Variants in PTCHD4 observed in about 807,000 individuals in gnomAD.
The protein encoded by PTCHD4 is patched domain-containing protein 4.
Under a neutral mutation model 58.1 loss-of-function variants are expected in PTCHD4, and 33 were observed. The observed-to-expected ratio is 0.57, with a 90% CI of 0.43 to 0.76. The LOEUF is 0.76. Among genes scored for constraint, PTCHD4 ranks in the 30% least tolerant of loss-of-function variants. The probability of loss-of-function intolerance (pLI) is 0.00; values close to 1 mark genes in which losing one functional copy is unlikely to be tolerated. For synonymous variants in PTCHD4, 478 were observed against 409.6 expected (o/e 1.17, Z -2.02); for missense variants, 1,058 against 1,027.1 (o/e 1.03, Z -0.41).
At chr6:47,991,666 A>G (rs1194972416) in intron 4 of PTCHD4, among the ~76,000 whole-genome samples, 1 of 152,112 alleles carries the variant, frequency 6.6e-6, no homozygotes, top group Non-Finnish European at 1.5e-5. Context: ...CTAGACAGCA[A>G]TATCATGTAA....
intron 1 of PTCHD4, among the ~76,000 whole-genome samples, chr6:48,075,674 T>A (rs1430868756): frequency 6.6e-6 from 1 of 152,198 alleles, no homozygotes; most frequent in Non-Finnish European, 1.5e-5. Flanking sequence ...CCAGTGCATA[T>A]AAAAATTATC....
At chr6:48,058,441 G>A (rs1323216257) in intron 3 of PTCHD4, among the ~76,000 whole-genome samples, 1 of 152,292 alleles carries the variant, frequency 6.6e-6, no homozygotes, top group African/African-American at 2.4e-5. Flanking sequence ...ATAGATGACC[G>A]AGACACTGAG....
intron 4 of PTCHD4, among the ~76,000 whole-genome samples, chr6:47,957,578 T>C (rs1303318069): frequency 1.3e-5 from 2 of 150,604 alleles, no homozygotes; most frequent in African/African-American, 2.4e-5. Context: ...GACAAGTTTT[T>C]TTTTTTATTT....
In PTCHD4 at chr6:47,866,522, T is replaced by C. The variant is rs1483455533; in HGVS notation, c.*11781A>G. On this transcript the variant is annotated 3_prime_UTR_variant, in exon 5 of 5. Coordinates refer to ENST00000339488, the MANE Select transcript of PTCHD4 (RefSeq NM_001384253.1). ...CGTATGGCCACTTGGTTGTTGGATTTATCTCCATTCTACTTCTGTGAACAG... is the reference window on the plus strand; with the variant it reads ...CGTATGGCCACTTGGTTGTTGGATTCATCTCCATTCTACTTCTGTGAACAG... Among the ~76,000 whole-genome samples, 10 of 151,994 alleles carry C rather than the reference T, an allele frequency of 6.6e-5. No homozygotes were observed. The East Asian group carries it at 1.8e-3, about 27-fold the overall frequency.
intron 4 of PTCHD4, among the ~76,000 whole-genome samples, chr6:48,004,161 A>G (rs188895400): frequency 6.6e-6 from 1 of 152,296 alleles, no homozygotes; most frequent in East Asian, 1.9e-4. Flanking sequence ...AATTTCTTGA[A>G]CATAGTAGAT....
At chr6:47,997,549 G>A (rs116345688) in intron 4 of PTCHD4, among the ~76,000 whole-genome samples, 1 of 152,136 alleles carries the variant, frequency 6.6e-6, no homozygotes, top group South Asian at 2.1e-4. Flanking sequence ...CTAAGTCAAC[G>A]AGGGGAAGCA....
At chr6:47,965,523 T>A (rs901145023) in intron 4 of PTCHD4, among the ~76,000 whole-genome samples, 77 of 152,306 alleles carry the variant, frequency 5.1e-4, no homozygotes, top group African/African-American at 1.8e-3. Flanking sequence ...AAGAAATTTT[T>A]AAAAAGAAAA....
intron 4 of PTCHD4, among the ~76,000 whole-genome samples, chr6:47,926,754 T>G (rs559743893): frequency 3.3e-5 from 5 of 152,306 alleles, no homozygotes; most frequent in South Asian, 2.1e-4. Context: ...TTTGGGCAAA[T>G]AGCCTCAGTT....
chr6:47,931,155 C>T (rs1367911881), intron 4 of PTCHD4, among the ~76,000 whole-genome samples: 1 of 152,206 alleles, frequency 6.6e-6, no homozygotes, highest in African/African-American at 2.4e-5. Context: ...ATTAATCCAC[C>T]CAAAGCGTTC....
intron 3 of PTCHD4, among the ~76,000 whole-genome samples, chr6:48,010,015 G>C (rs569383847): frequency 2.6e-5 from 4 of 152,306 alleles, no homozygotes; most frequent in African/African-American, 7.2e-5. Flanking sequence ...CTCATCCAGT[G>C]TGCCCCAACA....
chr6:47,907,840 G>A (rs1326771931), intron 4 of PTCHD4, among the ~76,000 whole-genome samples: 3 of 152,144 alleles, frequency 2.0e-5, no homozygotes, highest in Non-Finnish European at 4.4e-5. Context: ...CCTGTAGCCA[G>A]GATGGTGTCA....
At chr6:47,948,891 T>C (rs920887040) in intron 4 of PTCHD4, among the ~76,000 whole-genome samples, 14 of 152,286 alleles carry the variant, frequency 9.2e-5, no homozygotes, top group African/African-American at 1.4e-4. Context: ...TCCACTTTTA[T>C]TGAATTACTT....
chr6:48,017,931 G>A (rs939707504), intron 3 of PTCHD4, among the ~76,000 whole-genome samples: 2 of 152,188 alleles, frequency 1.3e-5, no homozygotes, highest in Non-Finnish European at 2.9e-5. Context: ...AGATGTGCAA[G>A]GGTCTTAAGC....
intron 3 of PTCHD4, among the ~76,000 whole-genome samples, chr6:48,044,993 T>A (rs552651478): frequency 6.6e-6 from 1 of 151,804 alleles, no homozygotes; most frequent in African/African-American, 2.4e-5. Context: ...TTACAGAATA[T>A]GCCCCATTTC....
At chr6:47,984,792 T>G (rs539394903) in intron 4 of PTCHD4, among the ~76,000 whole-genome samples, 1 of 152,196 alleles carries the variant, frequency 6.6e-6, no homozygotes, top group East Asian at 1.9e-4. Context: ...TTTGTCATAA[T>G]TGCACTTATG....
Position 48,069,346 on chromosome 6 carries a change from C to T in PTCHD4, c.-389G>A, listed in dbSNP as rs1201610930. ...CCCATTGGAGCAAGGGCAATTAGAG[C>T]CCAAGGAGTGGGGCATGGAGGGAGA... On this transcript the variant is annotated 5_prime_UTR_variant, in exon 2 of 5. Coordinates refer to ENST00000339488, the MANE Select transcript of PTCHD4 (RefSeq NM_001384253.1). Among the ~76,000 whole-genome samples, 1 of 152,088 alleles carries T rather than the reference C, an allele frequency of 6.6e-6. No homozygotes were observed. The highest frequency in any genetic ancestry group is 6.6e-5 in the Admixed American group (1 of 15,266).
intron 3 of PTCHD4, among the ~76,000 whole-genome samples, chr6:48,061,884 T>C (rs1764639205): frequency 6.6e-6 from 1 of 152,034 alleles, no homozygotes. Context: ...GAGACTTGAG[T>C]GATTTGTTTA....
rs1763321108 is a variant in PTCHD4, at chr6:47,856,841, ATGAT to A, written c.*21458_*21461del. 6.6e-6 allele frequency among the ~76,000 whole-genome samples: 1 copy of A among 152,104 alleles called. No homozygotes were observed. ...TTCATCAGATTAATTTTGTTTTCAC[ATGAT>A]TTTCTAATATAAAAAAGCATATAGT... On this transcript the variant is annotated 3_prime_UTR_variant, in exon 5 of 5. Coordinates refer to ENST00000339488, the MANE Select transcript of PTCHD4 (RefSeq NM_001384253.1).
intron 3 of PTCHD4, among the ~76,000 whole-genome samples, chr6:48,024,042 C>G (rs1763157674): frequency 6.6e-6 from 1 of 152,136 alleles, no homozygotes; most frequent in Non-Finnish European, 1.5e-5. Context: ...CTTAGAGTCT[C>G]TAAGTGTCTT....
Sources: allele counts gnomAD v4.1 joint callset (sites outside exome capture counted in the v4.1 genomes callset), GRCh38; gene constraint gnomAD v4.1.1; transcripts MANE v1.5; gene names NCBI Gene and HGNC (gene_info 2026-07-23, HGNC 2026-07-21).